The following INPP5A variants were observed in gnomAD, a reference collection of about 807,000 sequenced individuals.
The protein encoded by INPP5A is 43 kDa inositol polyphosphate 5-phophatase.
Under a neutral mutation model 65.2 loss-of-function variants are expected in INPP5A, and 14 were observed. The observed-to-expected ratio is 0.21, with a 90% CI of 0.14 to 0.34. The LOEUF (loss-of-function observed/expected upper bound fraction) is 0.34. Ranked by LOEUF, INPP5A falls within the 10% of genes least tolerant of loss-of-function variation. INPP5A has a pLI of 1.00. For synonymous variants in INPP5A, 207 were observed against 208.3 expected, an observed-to-expected ratio of 0.99 and a Z score of 0.05; for missense variants, 431 against 545.6, an observed-to-expected ratio of 0.79 and a Z score of 2.09.
rs2071019331 is a variant in INPP5A at position 132,549,166 on chromosome 10, A to G, written c.75+10995A>G. ...ACCTCGTTTCTCCAGTCGCCCACAG[A>G]TGGACGTCGGGGCTATCGTGGCTAG... On this transcript the variant is annotated intron_variant, in intron 1 of 15. Transcript: ENST00000368594. This position sits in a 1 kb window ranked among gnomAD's most constrained non-coding sequence, Gnocchi z 4.9. Among the ~76,000 whole-genome samples, 1 of 151,996 alleles carries G rather than the reference A, an allele frequency of 6.6e-6. No individual in the cohort carries two copies. Among genetic ancestry groups the G allele is most frequent in the African/African-American group, 2.4e-5 (1 of 41,372 alleles).
At chr10:132,562,317 C>G (rs529171974) in intron 1 of INPP5A, among the ~76,000 whole-genome samples, 3 of 152,388 alleles carry the variant, frequency 2.0e-5, no homozygotes, top group South Asian at 2.1e-4. Flanking sequence ...CGCTCGCCAC[C>G]TCTGGCCTGT....
chr10:132,581,667 T>C (rs1003971832), intron 1 of INPP5A, among the ~76,000 whole-genome samples: 3 of 152,254 alleles, frequency 2.0e-5, no homozygotes, highest in African/African-American at 7.2e-5. Flanking sequence ...AGCTGCTTAT[T>C]GACCATTCAT....
chr10:132,759,429 A>C (rs1330561759), intron 11 of INPP5A, among the ~76,000 whole-genome samples: 1 of 152,224 alleles, frequency 6.6e-6, no homozygotes. Context: ...CAAAGGGTGC[A>C]CAGGCCTGGA....
At chr10:132,734,198 G>T (rs980636133) in intron 9 of INPP5A, among the ~76,000 whole-genome samples, 3 of 152,176 alleles carry the variant, frequency 2.0e-5, no homozygotes, top group Non-Finnish European at 4.4e-5. Flanking sequence ...CTCGTGTGAC[G>T]CAGAAGCATC....
chr10:132,685,299 C>T lies in INPP5A; in HGVS notation c.307-5093C>T, dbSNP rs1472353340. 3.3e-5 allele frequency among the ~76,000 whole-genome samples: 5 copies of T among 152,368 alleles called. No homozygotes were observed. In the South Asian group the frequency reaches 6.2e-4, roughly 19 times the overall value. Reference sequence around the variant, plus strand: ...AGGCTCCACAGAGATCCCCCTGGGGCGCACTGGGAGCTGGCACCTGTGGTC... The same window carrying T: ...AGGCTCCACAGAGATCCCCCTGGGGTGCACTGGGAGCTGGCACCTGTGGTC... On this transcript the variant is annotated intron_variant, in intron 4 of 15. Coordinates refer to ENST00000368594, the MANE Select transcript of INPP5A (RefSeq NM_005539.5).
intron 11 of INPP5A, among the ~76,000 whole-genome samples, chr10:132,756,144 A>G (rs1231409327): frequency 6.6e-6 from 1 of 152,142 alleles, no homozygotes; most frequent in African/African-American, 2.4e-5. Flanking sequence ...CCCGGTCAGG[A>G]ATTGAAGAGA....
At chr10:132,564,185 T>C (rs2133273749) in intron 1 of INPP5A, among the ~76,000 whole-genome samples, 1 of 152,154 alleles carries the variant, frequency 6.6e-6, no homozygotes, top group East Asian at 1.9e-4. Context: ...TGGGGAAATG[T>C]GGCGTGCGCG....
intron 12 of INPP5A, among the ~76,000 whole-genome samples, chr10:132,768,637 C>T (rs1309654526): frequency 2.6e-5 from 4 of 152,220 alleles, no homozygotes; most frequent in African/African-American, 7.2e-5. Flanking sequence ...GCTGCCAGGG[C>T]TCTGAGGCCG....
intron 9 of INPP5A, among the ~76,000 whole-genome samples, chr10:132,737,132 C>T (rs900291521): frequency 3.9e-5 from 6 of 152,232 alleles, no homozygotes; most frequent in South Asian, 2.1e-4. Flanking sequence ...GTTCCTGCAT[C>T]GGCTGCAGTC....
rs1171768739 is a variant in INPP5A at position 132,749,547 on chromosome 10, G to A, written c.763G>A (p.Val255Ile). 3 of 1,612,986 alleles carry A rather than the reference G, an allele frequency of 1.9e-6. No individual in the cohort carries two copies. Among genetic ancestry groups the A allele is most frequent in the Admixed American group, 1.7e-5 (1 of 60,026 alleles). Residue 255 changes from valine to isoleucine, a missense_variant, in exon 10 of 16, where the codon GTC (valine) becomes ATC (isoleucine). By Grantham distance (29) the Val-to-Ile change is conservative. Coordinates refer to ENST00000368594, the MANE Select transcript of INPP5A (RefSeq NM_005539.5). ...TLCTKATMQT[V>I]RAADTNEVVK... is the part of the protein sequence containing the mutation. The stretch of plus-strand genomic sequence containing the variant: ...CTGCACAAAAGCCACCATGCAGACG[G>A]TCCGGGCCGCCGACACCAATGAAGT...
intron 1 of INPP5A, among the ~76,000 whole-genome samples, chr10:132,581,292 G>C (rs761586458): frequency 8.5e-5 from 13 of 152,104 alleles, no homozygotes; most frequent in Non-Finnish European, 1.8e-4. Flanking sequence ...TTTCCTGTCC[G>C]GCCTCAGGAA....
At chr10:132,775,266 G>T (rs1033647760) in intron 12 of INPP5A, among the ~76,000 whole-genome samples, 1 of 151,588 alleles carries the variant, frequency 6.6e-6, no homozygotes, top group African/African-American at 2.4e-5. Flanking sequence ...ACAGGAGTAC[G>T]ATTGTTCGCC....
intron 2 of INPP5A, among the ~76,000 whole-genome samples, chr10:132,642,742 A>G (rs1399113284): frequency 6.6e-6 from 1 of 152,156 alleles, no homozygotes; most frequent in East Asian, 1.9e-4. Context: ...GTTTGTCAAT[A>G]ACTGCATGAA....
intron 2 of INPP5A, among the ~76,000 whole-genome samples, chr10:132,613,160 G>C (rs192029757): frequency 3.3e-5 from 5 of 152,110 alleles, no homozygotes; most frequent in African/African-American, 1.2e-4. Flanking sequence ...TACTGTGAGC[G>C]TTGATAGTAG....
intron 5 of INPP5A, among the ~76,000 whole-genome samples, chr10:132,695,330 G>C (rs891046029): frequency 2.0e-5 from 3 of 152,096 alleles, no homozygotes; most frequent in African/African-American, 7.2e-5. Context: ...CAGCAAACTA[G>C]GAATAGAGGG....
chr10:132,709,063 T>TA (rs1845588981), intron 7 of INPP5A, among the ~76,000 whole-genome samples: 1 of 151,658 alleles, frequency 6.6e-6, no homozygotes, highest in South Asian at 2.1e-4. Flanking sequence ...TACGAGGTCA[T>TA]AGCTGTGAGT....
At position 132,705,651 on chromosome 10, in the gene INPP5A, T is replaced by C. The variant is rs1389164996; in HGVS notation, c.475-2662T>C. On this transcript the variant is annotated intron_variant, in intron 6 of 15. Coordinates refer to ENST00000368594, the MANE Select transcript of INPP5A (RefSeq NM_005539.5). The surrounding 1 kb of genome is among the most constrained non-coding windows in gnomAD (Gnocchi z 4.9). ...TCTGAAAAATAAAGCCTATTACTTC[T>C]TTAAAAGTCTGCTTACCTGGGGCCC... Among the ~76,000 whole-genome samples, 40 of 152,234 alleles carry C rather than the reference T, an allele frequency of 2.6e-4. No individual in the cohort carries two copies. Among genetic ancestry groups the C allele is most frequent in the Admixed American group, 2.6e-3 (40 of 15,290 alleles).
intron 4 of INPP5A, among the ~76,000 whole-genome samples, chr10:132,667,226 T>C (rs373705633): frequency 4.1e-4 from 62 of 152,378 alleles, no homozygotes; most frequent in African/African-American, 1.4e-3. Flanking sequence ...CCGCAGCCCC[T>C]TTTGGTTGGA....
At chr10:132,719,696 T>C (rs919747535) in intron 8 of INPP5A, among the ~76,000 whole-genome samples, 5 of 150,706 alleles carry the variant, frequency 3.3e-5, no homozygotes, top group African/African-American at 1.2e-4. Context: ...GCAGGTTCTG[T>C]GGTACCTGGG....
Sources: allele counts gnomAD v4.1 joint callset (sites outside exome capture counted in the v4.1 genomes callset), GRCh38; gene constraint gnomAD v4.1.1; non-coding constraint Gnocchi (gnomAD v3.1); transcripts MANE v1.5; gene names NCBI Gene and HGNC (gene_info 2026-07-23, HGNC 2026-07-21).